CEP126: variants seen among roughly 807,000 people sequenced by gnomAD.
The protein encoded by CEP126 is centrosomal protein of 126 kDa.
In CEP126, 74 loss-of-function variants were observed where a neutral mutation model predicts 107.8. That is an observed-to-expected ratio of 0.69 (90% CI 0.57 to 0.83). CEP126 has a LOEUF of 0.83. Among genes scored for constraint, CEP126 ranks in the 40% least tolerant of loss-of-function variants. The pLI is 0.00. For synonymous variants in CEP126, 449 were observed against 446.0 expected (o/e 1.01, Z -0.08); for missense variants, 1,237 against 1,281.9 (o/e 0.96, Z 0.53).
At position 101,922,748 on chromosome 11, in the gene CEP126, A is replaced by G. The variant is rs1940349287; in HGVS notation, c.236A>G (p.Asn79Ser). 1.9e-6 allele frequency: 3 copies of G among 1,611,884 alleles called. No individual in the cohort carries two copies. The highest frequency in any genetic ancestry group is 1.7e-6 in the Non-Finnish European group (2 of 1,178,546). ...NRARKYFVES[N>S]RRKKAFEEKR... is the part of the protein sequence containing the mutation. ...GCACGTAAATATTTTGTGGAGTCAA[A>G]TCGGAGAAAAAAGTAAGTAATTGCA... is the stretch of plus-strand genomic sequence containing the variant. Residue 79 changes from asparagine (N) to serine (S), a missense_variant, in exon 2 of 11, where the codon AAT (asparagine) becomes AGT (serine). This residue lies in a region of CEP126 where 1,134 missense variants were observed against 1,150.5 expected (regional missense o/e 0.99). Coordinates refer to ENST00000263468, the MANE Select transcript of CEP126 (RefSeq NM_020802.4).
chr11:101,954,020 TTTTGTTTG>T (rs59197385), intron 4 of CEP126, among the ~76,000 whole-genome samples: 2 of 149,498 alleles, frequency 1.3e-5, no homozygotes, highest in Admixed American at 6.7e-5. Context: ...TATTTTCCTT[TTTTGTTTG>T]TTTGTTTGTT....
chr11:101,941,555 T>G (rs1940664408), intron 2 of CEP126, among the ~76,000 whole-genome samples: 1 of 152,188 alleles, frequency 6.6e-6, no homozygotes, highest in Non-Finnish European at 1.5e-5. Context: ...TTATGAACAG[T>G]TGGGTTGCTT....
chr11:101,936,299 G>A (rs547058816), intron 2 of CEP126, among the ~76,000 whole-genome samples: 86 of 151,940 alleles, frequency 5.7e-4, no homozygotes, highest in African/African-American at 2.0e-3. Context: ...TTTGTTTAAT[G>A]ACTCCTAAAT....
chr11:101,990,898 G>A (rs1029302518), intron 9 of CEP126, among the ~76,000 whole-genome samples: 3 of 151,978 alleles, frequency 2.0e-5, no homozygotes, highest in African/African-American at 4.8e-5. Context: ...TACTGTTGTC[G>A]GCTACAGCAA....
At chr11:101,985,114 G>C (rs905939456) in intron 8 of CEP126, among the ~76,000 whole-genome samples, 2 of 152,116 alleles carry the variant, frequency 1.3e-5, no homozygotes, top group South Asian at 4.1e-4. Flanking sequence ...AGGAATAACA[G>C]TGATACCAAA....
chr11:101,974,801 A>G (rs1247288611), intron 6 of CEP126, among the ~76,000 whole-genome samples: 1 of 152,224 alleles, frequency 6.6e-6, no homozygotes, highest in African/African-American at 2.4e-5. Context: ...ATTTAAGCAC[A>G]TGTATGTGAA....
intron 2 of CEP126, among the ~76,000 whole-genome samples, chr11:101,925,207 A>G (rs1319392908): frequency 1.3e-5 from 2 of 152,092 alleles, no homozygotes; most frequent in Non-Finnish European, 1.5e-5. Context: ...TTTGTATTCC[A>G]TTAGTTTGCT....
rs773628925 is a variant in CEP126, at chr11:101,985,988, A to ATTTTTTTTTTTTTTTTTTTTTTTT, written c.3035-841_3035-840insTTTTTTTTTTTTTTTTTTTTTTTT. 2.4e-5 allele frequency among the ~76,000 whole-genome samples: 3 copies of ATTTTTTTTTTTTTTTTTTTTTTTT among 126,458 alleles called. 1 individual carries two copies. The allele number at this position is 126,458 out of a possible 152,430, so 83.0% of individuals were successfully genotyped here. On this transcript the variant is annotated intron_variant, in intron 8 of 10. Coordinates refer to ENST00000263468, the MANE Select transcript of CEP126 (RefSeq NM_020802.4). ...CAGTGGGAAGTAAAACTCTGAATTG[A>ATTTTTTTTTTTTTTTTTTTTTTTT]TTTCTTTTTTTTTTTTTTTTTTTTG...
In CEP126 at chr11:101,961,806, G is replaced by C. The variant is rs903740664; in HGVS notation, c.771G>C (p.Glu257Asp). The C allele has an allele frequency of 5.6e-6, 9 of 1,607,334 alleles. No homozygotes were observed. The highest frequency in any genetic ancestry group is 7.6e-6 in the Non-Finnish European group (9 of 1,177,154). ...SETLSSIDSL[E>D]ATEHEEIYLT... is the part of the protein sequence containing the mutation. ...CCCTCTCAAGTATAGACAGTCTTGA[G>C]GCTACAGAGCATGAAGAAATATATT... The change falls in exon 6 of 11, where the codon GAG becomes GAC. Residue 257 changes from glutamate (E) to aspartate (D), a missense_variant. Physicochemically the swap from Glu to Asp is conservative, Grantham distance 45. This residue lies in a region of CEP126 where 1,134 missense variants were observed against 1,150.5 expected (regional missense o/e 0.99). Transcript: ENST00000263468.
rs140637177 is a variant in CEP126, at chr11:101,998,051, C to T, written c.*408C>T. 673 of 159,100 alleles carry T rather than the reference C, an allele frequency of 4.2e-3. 5 individuals are homozygous for T. Among genetic ancestry groups the T allele is most frequent in the African/African-American group, 0.016 (647 of 41,694 alleles). 9.9% of individuals were successfully genotyped at this position (159,100 alleles called of 1,614,324 possible). A position where few individuals can be genotyped will look rare whatever the true frequency, so the allele number is the denominator to read the frequency against. ...TTGAACCTCTTTATTAAACCTCTAACTTACTGATAAGATGTTTATGAAGTA... is the reference window on the plus strand; with the variant it reads ...TTGAACCTCTTTATTAAACCTCTAATTTACTGATAAGATGTTTATGAAGTA... On this transcript the variant is annotated 3_prime_UTR_variant, in exon 11 of 11. Transcript: ENST00000263468.
chr11:101,950,514 A>G (rs371083361), intron 4 of CEP126, among the ~76,000 whole-genome samples: 2 of 152,226 alleles, frequency 1.3e-5, no homozygotes, highest in African/African-American at 2.4e-5. Context: ...TTGCAATTAC[A>G]TTATAATACT....
In CEP126 at chr11:101,998,285, A is replaced by G. The variant is rs1941465985; in HGVS notation, c.*642A>G. The stretch of plus-strand genomic sequence containing the variant: ...ATACCGAAAAAACATGAAATTTTTC[A>G]TTAAAATGCCATGAATCAAGCCAGG... On this transcript the variant is annotated 3_prime_UTR_variant, in exon 11 of 11. Coordinates refer to ENST00000263468, the MANE Select transcript of CEP126 (RefSeq NM_020802.4). 1 of 152,248 alleles carries G rather than the reference A, an allele frequency of 6.6e-6. No individual in the cohort carries two copies. The highest frequency in any genetic ancestry group is 2.4e-5 in the African/African-American group (1 of 41,440). 9.4% of individuals were successfully genotyped at this position (152,248 alleles called of 1,614,324 possible). A position where few individuals can be genotyped will look rare whatever the true frequency, so the allele number is the denominator to read the frequency against.
chr11:101,990,216 T>C (rs1252569765), intron 9 of CEP126, among the ~76,000 whole-genome samples: 1 of 152,106 alleles, frequency 6.6e-6, no homozygotes, highest in East Asian at 1.9e-4. Flanking sequence ...TGTGTGTTCA[T>C]GAGGCAAATA....
At chr11:101,996,502 TA>T (rs745435887) in intron 10 of CEP126, among the ~76,000 whole-genome samples, 2 of 152,352 alleles carry the variant, frequency 1.3e-5, no homozygotes, top group South Asian at 2.1e-4. Context: ...ATTCCTGTGA[TA>T]AGTACCTTAG....
rs934869678 is a variant in CEP126, at chr11:101,941,226, A to G, written c.249-3039A>G. 2.0e-5 allele frequency among the ~76,000 whole-genome samples: 3 copies of G among 152,226 alleles called. No individual in the cohort carries two copies. In the South Asian group the frequency reaches 6.2e-4, roughly 32 times the overall value. ...AGTACATTCATATTGCTGGGTAACCATCATCATTATCTGTCTCCAAAACTT... is the reference window on the plus strand; with the variant it reads ...AGTACATTCATATTGCTGGGTAACCGTCATCATTATCTGTCTCCAAAACTT... On this transcript the variant is annotated intron_variant, in intron 2 of 10. Coordinates refer to ENST00000263468, the MANE Select transcript of CEP126 (RefSeq NM_020802.4).
At chr11:101,961,625 A>T in intron 5 of CEP126, 116 bp from the exon 6 acceptor site, 1 of 576,978 alleles carries the variant, frequency 1.7e-6, no homozygotes, top group Non-Finnish European at 3.0e-6. Flanking sequence ...TGATGTTTAT[A>T]GTCATACTAC....
chr11:101,930,494 G>A (rs1241785527), intron 2 of CEP126, among the ~76,000 whole-genome samples: 2 of 152,176 alleles, frequency 1.3e-5, no homozygotes, highest in Non-Finnish European at 2.9e-5. Flanking sequence ...GCTCTTAAAG[G>A]TGGTGCGGAC....
In CEP126 at chr11:101,915,376, G is replaced by C. The variant is rs1421046510; in HGVS notation, c.92G>C (p.Arg31Pro). 6.2e-6 allele frequency: 10 copies of C among 1,613,736 alleles called. No individual in the cohort carries two copies. In the Admixed American group the frequency reaches 1.2e-4, roughly 19 times the overall value. ...DNLDRAPLGP[R>P]ESGGHHRPGS... is the part of the protein sequence containing the mutation. ...CTCGACAGAGCCCCCCTCGGCCCTC[G>C]GGAGAGCGGCGGGCATCACCGACCT... The change falls in exon 1 of 11, where the codon CGG becomes CCG. Residue 31 changes from arginine to proline, a missense_variant. Arg to Pro is a moderately radical substitution (Grantham distance 103, BLOSUM62 -2). Coordinates refer to ENST00000263468, the MANE Select transcript of CEP126 (RefSeq NM_020802.4).
rs745899466 is a variant in CEP126, at chr11:101,922,721, G to C, written c.209G>C (p.Arg70Pro). The change falls in exon 2 of 11, where the codon CGA (arginine) becomes CCA (proline). Residue 70 changes from arginine to proline, a missense_variant. Transcript: ENST00000263468. ...LLQQQKICRN[R>P]ARKYFVESNR... ...CAGCAACAAAAAATATGTCGAAATC[G>C]AGCACGTAAATATTTTGTGGAGTCA... The C allele has an allele frequency of 3.1e-6, 5 of 1,612,576 alleles. No homozygotes were observed. The highest frequency in any genetic ancestry group is 4.2e-6 in the Non-Finnish European group (5 of 1,178,978).
Sources: gnomAD v4.1 joint callset for allele counts (sites outside exome capture counted in the v4.1 genomes callset) on GRCh38, gnomAD v4.1.1 for gene constraint, gnomAD v4.1.1 regional missense constraint, MANE v1.5 for transcripts, NCBI Gene and HGNC (gene_info 2026-07-23, HGNC 2026-07-21) for gene names.